SLC25A44: variants seen among roughly 807,000 people sequenced by gnomAD.
The protein encoded by SLC25A44 is solute carrier family 25, member 44.
SLC25A44 carries 17 observed loss-of-function variants against 29.9 expected under a neutral mutation model. That is an observed-to-expected ratio of 0.57 (90% CI 0.39 to 0.85). The LOEUF is 0.85. SLC25A44 is among the 40% of genes least tolerant of loss of function. SLC25A44 has a pLI of 0.00. For missense variants in SLC25A44, 302 were observed against 398.4 expected (o/e 0.76, Z 2.06); for synonymous variants, 140 against 151.8 (o/e 0.92, Z 0.57).
intron 1 of SLC25A44, among the ~76,000 whole-genome samples, chr1:156,195,254 C>A (rs1157545228): frequency 1.3e-5 from 2 of 152,150 alleles, no homozygotes; most frequent in African/African-American, 4.8e-5. Context: ...CAGGCGCCCA[C>A]CACCACGCCC....
chr1:156,207,977 C>T lies in SLC25A44; in HGVS notation c.717C>T (p.Leu239=), dbSNP rs764738266. The T allele has an allele frequency of 1.2e-6, 2 of 1,614,156 alleles. No individual in the cohort carries two copies. Among genetic ancestry groups the T allele is most frequent in the Non-Finnish European group, 1.7e-6 (2 of 1,179,998 alleles). The change falls in exon 3 of 4, where the codon CTC becomes CTT. Residue 239 remains leucine (L), a synonymous_variant. Transcript: ENST00000359511. The stretch of plus-strand genomic sequence containing the variant: ...TGGCTGCAGCCACTGCCTCCATCCT[C>T]ACCAATCCCATGGATGTCATACGAA... ...GPLAAATASI[L]TNPMDVIRTR... is the part of the protein sequence containing the mutation.
rs1572468837 is a variant in SLC25A44, at chr1:156,211,734, T to C, written c.*1303T>C. Reference sequence around the variant, plus strand: ...GAGCTAGGAGAGGAGTGCTCCTTCCTCCCTACCGCTACTCTCCCCAAGCCT... The same window carrying C: ...GAGCTAGGAGAGGAGTGCTCCTTCCCCCCTACCGCTACTCTCCCCAAGCCT... On this transcript the variant is annotated 3_prime_UTR_variant, in exon 4 of 4. Coordinates refer to ENST00000359511, the MANE Select transcript of SLC25A44 (RefSeq NM_014655.4). 1 of 152,626 alleles carries C rather than the reference T, an allele frequency of 6.6e-6. No homozygotes were observed. Among genetic ancestry groups the C allele is most frequent in the South Asian group, 2.1e-4 (1 of 4,818 alleles). The allele number at this position is 152,626 out of a possible 1,614,324, so 9.5% of individuals were successfully genotyped here.
chr1:156,201,745 G>C (rs1422499544), intron 2 of SLC25A44, among the ~76,000 whole-genome samples: 1 of 150,636 alleles, frequency 6.6e-6, no homozygotes, highest in Non-Finnish European at 1.5e-5. Flanking sequence ...TGTTTCCTCT[G>C]GGGTATTTGT....
Position 156,200,187 on chromosome 1 carries a change from G to C in SLC25A44, c.340G>C (p.Val114Leu), listed in dbSNP as rs1424661703. 6.2e-7 allele frequency: 1 copy of C among 1,614,076 alleles called. No homozygotes were observed. The highest frequency in any genetic ancestry group is 8.5e-7 in the Non-Finnish European group (1 of 1,180,042). Reference protein sequence around the residue: ...YSQSNTVKSLVAGGSASLVAQ... With the variant: ...YSQSNTVKSLLAGGSASLVAQ... ...CCAGAGTAACACAGTCAAATCACTGGTGGCTGGTGGCTCAGCCTCCCTTGT... is the reference window on the plus strand; with the variant it reads ...CCAGAGTAACACAGTCAAATCACTGCTGGCTGGTGGCTCAGCCTCCCTTGT... The change falls in exon 2 of 4, where the codon GTG (valine) becomes CTG (leucine). Residue 114 changes from valine to leucine, a missense_variant. By Grantham distance (32) the Val-to-Leu change is conservative. Transcript: ENST00000359511.
At chr1:156,199,622 C>A in intron 1 of SLC25A44, 1 of 550,878 alleles carries the variant, frequency 1.8e-6, no homozygotes, top group Admixed American at 3.4e-5. Context: ...TAAGGAAGGC[C>A]TGGCCAAGGA....
intron 3 of SLC25A44, 60 bp downstream of exon 3, chr1:156,208,073 A>G (rs1657071785): frequency 6.6e-7 from 1 of 1,518,192 alleles, no homozygotes; most frequent in Non-Finnish European, 9.1e-7. Flanking sequence ...CATGACCTTC[A>G]AGCCCTCCAG....
chr1:156,207,246 T>C (rs944075073), intron 2 of SLC25A44, among the ~76,000 whole-genome samples: 5 of 151,648 alleles, frequency 3.3e-5, no homozygotes, highest in Non-Finnish European at 2.9e-5. Context: ...GGCGCGATCT[T>C]GGCTCACTGC....
At chr1:156,202,693 C>A (rs186013632) in intron 2 of SLC25A44, among the ~76,000 whole-genome samples, 28 of 152,314 alleles carry the variant, frequency 1.8e-4, no homozygotes, top group Admixed American at 1.8e-3. Context: ...TTTCTTAAGG[C>A]AGTTATACAT....
At chr1:156,203,663 C>T (rs984606812) in intron 2 of SLC25A44, among the ~76,000 whole-genome samples, 1 of 140,214 alleles carries the variant, frequency 7.1e-6, no homozygotes, top group African/African-American at 2.6e-5. Context: ...TGGAGTCCCT[C>T]CCTCCCTCCC....
rs1428648271 is a variant in SLC25A44 at position 156,198,358 on chromosome 1, G to A, written c.-13-1477G>A. The stretch of plus-strand genomic sequence containing the variant: ...CTGATTTTATACAATTTTGAAATTA[G>A]TAAGCTTGTTAGTTTTGTTTGAAAT... On this transcript the variant is annotated intron_variant, in intron 1 of 3. Transcript: ENST00000359511. The surrounding 1 kb of genome is among the most constrained non-coding windows in gnomAD (Gnocchi z 4.1). The A allele has an allele frequency of 3.3e-5, 5 of 151,308 alleles. No individual in the cohort carries two copies. The highest frequency in any genetic ancestry group is 6.8e-3 in the Middle Eastern group (2 of 292). 9.4% of individuals were successfully genotyped at this position (151,308 alleles called of 1,614,324 possible).
At position 156,210,418 on chromosome 1, in the gene SLC25A44, CG is replaced by C; in HGVS notation, c.933del (p.Arg312AspfsTer49). ...AGCCTCCGACCTGAGCTGGTGGACT[CG>C]AGACACTGGTAACCAGTGGTGGGGA... ...KLSLRPELVD[S>X]RHW On this transcript the variant is annotated frameshift_variant, in exon 4 of 4. Transcript: ENST00000359511. LOFTEE classifies it high-confidence loss of function. The C allele has an allele frequency of 1.9e-6, 3 of 1,581,052 alleles. No individual in the cohort carries two copies. The highest frequency in any genetic ancestry group is 2.6e-6 in the Non-Finnish European group (3 of 1,164,514).
intron 2 of SLC25A44, among the ~76,000 whole-genome samples, chr1:156,207,411 C>G (rs1415731371): frequency 6.6e-6 from 1 of 152,098 alleles, no homozygotes; most frequent in Non-Finnish European, 1.5e-5. Context: ...GATCTCCTGA[C>G]CTCATGATCT....
At position 156,210,709 on chromosome 1, in the gene SLC25A44, C is replaced by G; in HGVS notation, c.*278C>G. The G allele has an allele frequency of 1.1e-5, 2 of 187,726 alleles. No individual in the cohort carries two copies. Among genetic ancestry groups the G allele is most frequent in the Non-Finnish European group, 1.9e-5 (2 of 103,192 alleles). The allele number at this position is 187,726 out of a possible 1,614,324, so 11.6% of individuals were successfully genotyped here. The stretch of plus-strand genomic sequence containing the variant: ...TGGCCTAAAGACCCCACCCCCCACC[C>G]TGCCAGCCCTTCTTCTGGCTTCCCC... On this transcript the variant is annotated 3_prime_UTR_variant, in exon 4 of 4. Coordinates refer to ENST00000359511, the MANE Select transcript of SLC25A44 (RefSeq NM_014655.4).
chr1:156,204,124 G>T (rs1379578243), intron 2 of SLC25A44, among the ~76,000 whole-genome samples: 3 of 130,588 alleles, frequency 2.3e-5, no homozygotes, highest in Admixed American at 7.5e-5. Flanking sequence ...TCTCCTGCCT[G>T]AGCCTCCCGA....
rs770884495 is a variant in SLC25A44, at chr1:156,207,851, TG to T, written c.626-34del. The T allele has an allele frequency of 3.1e-6, 5 of 1,612,414 alleles. No homozygotes were observed. The South Asian group carries it at 5.5e-5, about 18-fold the overall frequency. ...CAGTGAGGGCAGACCGGTGGTGCTTTGTGTCTTTAGCCATTGTCTTTCCCTG... is the reference window on the plus strand; with the variant it reads ...CAGTGAGGGCAGACCGGTGGTGCTTTTGTCTTTAGCCATTGTCTTTCCCTG... On this transcript the variant is annotated intron_variant, in intron 2 of 3. Coordinates refer to ENST00000359511, the MANE Select transcript of SLC25A44 (RefSeq NM_014655.4).
chr1:156,208,907 A>C (rs760412384), intron 3 of SLC25A44, among the ~76,000 whole-genome samples: 1 of 152,218 alleles, frequency 6.6e-6, no homozygotes, highest in Non-Finnish European at 1.5e-5. Flanking sequence ...ATGATATGTA[A>C]TATGCAAATA....
chr1:156,203,699 C>CTTTTTTTT (rs56890643), intron 2 of SLC25A44, among the ~76,000 whole-genome samples: 12 of 106,782 alleles, frequency 1.1e-4, no homozygotes, highest in African/African-American at 2.5e-4. Flanking sequence ...ATTCTCTTTC[C>CTTTTTTTT]TTTTTTTTTT....
At chr1:156,207,479 C>T (rs1328186732) in intron 2 of SLC25A44, among the ~76,000 whole-genome samples, 1 of 151,892 alleles carries the variant, frequency 6.6e-6, no homozygotes, top group Non-Finnish European at 1.5e-5. Flanking sequence ...GCGCCCGGCA[C>T]TACAAAACAT....
At chr1:156,199,710 A>G in intron 1 of SLC25A44, 125 bp from the exon 2 acceptor site, 2 of 749,980 alleles carry the variant, frequency 2.7e-6, no homozygotes, top group East Asian at 5.2e-5. Context: ...GTGGAGTCCA[A>G]GCTTTGGGCA....
Sources: gnomAD v4.1 joint callset for allele counts (sites outside exome capture counted in the v4.1 genomes callset) on GRCh38, gnomAD v4.1.1 for gene constraint, Gnocchi (gnomAD v3.1) non-coding constraint, MANE v1.5 for transcripts, NCBI Gene and HGNC (gene_info 2026-07-23, HGNC 2026-07-21) for gene names.